The following VEPH1 variants were observed in gnomAD, a reference collection of about 807,000 sequenced individuals.
VEPH1 encodes the protein ventricular zone-expressed PH domain-containing protein homolog 1.
VEPH1 carries 80 observed loss-of-function variants against 85.2 expected under a neutral mutation model. The observed-to-expected ratio is 0.94, with a 90% CI of 0.78 to 1.13. VEPH1 has a LOEUF of 1.13. Ranked by LOEUF, VEPH1 falls within the 50% of genes most tolerant of loss-of-function variation. VEPH1 has a pLI of 0.00. For synonymous variants in VEPH1, 297 were observed against 348.0 expected, an observed-to-expected ratio of 0.85 and a Z score of 1.63; for missense variants, 955 against 980.5, an observed-to-expected ratio of 0.97 and a Z score of 0.35.
At chr3:157,447,912 T>A (rs547683244) in intron 4 of VEPH1, among the ~76,000 whole-genome samples, 2 of 152,070 alleles carry the variant, frequency 1.3e-5, no homozygotes, top group South Asian at 4.2e-4. Flanking sequence ...AGTCTTTTAA[T>A]ATGGACCTGG....
intron 2 of VEPH1, among the ~76,000 whole-genome samples, chr3:157,485,935 G>T (rs1738582758): frequency 6.6e-6 from 1 of 152,038 alleles, no homozygotes. Flanking sequence ...TCTTTAACTT[G>T]TGCATACATA....
intron 9 of VEPH1, among the ~76,000 whole-genome samples, chr3:157,328,152 G>A (rs888872448): frequency 1.3e-5 from 2 of 152,198 alleles, no homozygotes; most frequent in African/African-American, 4.8e-5. Flanking sequence ...CTCCTGAAAT[G>A]CAAGTCTTCC....
chr3:157,467,110 A>AGTGTGTGTGTGTGT (rs1356618639), intron 3 of VEPH1, among the ~76,000 whole-genome samples: 1 of 113,960 alleles, frequency 8.8e-6, no homozygotes, highest in African/African-American at 3.9e-5. Context: ...CAAAAAGAAA[A>AGTGTGTGTGTGTGT]GTGTGTGTGT....
At chr3:157,469,781 C>T (rs4679798) in intron 3 of VEPH1, among the ~76,000 whole-genome samples, 38,159 of 152,008 alleles carry the variant, frequency 0.25, 4,971 homozygotes, top group South Asian at 0.36. Flanking sequence ...AACTCATTAG[C>T]GGCTGAGCCA....
chr3:157,500,425 G>C (rs1740011226), intron 1 of VEPH1, among the ~76,000 whole-genome samples: 1 of 152,088 alleles, frequency 6.6e-6, no homozygotes. Flanking sequence ...GTGTGGTCAG[G>C]GTGGCCACAG....
chr3:157,319,166 C>T (rs1577330152), intron 9 of VEPH1, among the ~76,000 whole-genome samples: 1 of 152,150 alleles, frequency 6.6e-6, no homozygotes, highest in African/African-American at 2.4e-5. Context: ...TAATTAATAG[C>T]TTTCTGTGAT....
chr3:157,386,541 G>C (rs1729323924), intron 6 of VEPH1, among the ~76,000 whole-genome samples: 1 of 152,176 alleles, frequency 6.6e-6, no homozygotes, highest in Non-Finnish European at 1.5e-5. Flanking sequence ...CCTCCCCAGA[G>C]GGCATTTGGA....
At chr3:157,353,773 T>C (rs1559985550) in intron 9 of VEPH1, among the ~76,000 whole-genome samples, 1 of 152,214 alleles carries the variant, frequency 6.6e-6, no homozygotes, top group Non-Finnish European at 1.5e-5. Flanking sequence ...TTATCATTTC[T>C]ATTATTTATC....
chr3:157,435,422 G>A (rs990664831), intron 4 of VEPH1, among the ~76,000 whole-genome samples: 4 of 152,108 alleles, frequency 2.6e-5, no homozygotes, highest in Non-Finnish European at 5.9e-5. Flanking sequence ...AAACTCAAAG[G>A]GACCTTGTAG....
intron 9 of VEPH1, among the ~76,000 whole-genome samples, chr3:157,349,819 G>C (rs1724660288): frequency 6.6e-6 from 1 of 152,116 alleles, no homozygotes; most frequent in South Asian, 2.1e-4. Flanking sequence ...TTTAACCAAA[G>C]AGGTGGAAGA....
chr3:157,455,966 T>C (rs566393805), intron 4 of VEPH1, among the ~76,000 whole-genome samples: 2 of 152,266 alleles, frequency 1.3e-5, no homozygotes, highest in South Asian at 2.1e-4. Context: ...CTGAGTTGAT[T>C]GTAGTTCTGT....
chr3:157,378,770 T>C (rs34819915), intron 7 of VEPH1, among the ~76,000 whole-genome samples: 17,165 of 152,160 alleles, frequency 0.11, 1,268 homozygotes, highest in South Asian at 0.34. Flanking sequence ...GCTTCCCTCC[T>C]GCGAACTCCT....
intron 6 of VEPH1, among the ~76,000 whole-genome samples, chr3:157,408,774 C>T (rs1276949714): frequency 6.6e-6 from 1 of 152,052 alleles, no homozygotes; most frequent in South Asian, 2.1e-4. Flanking sequence ...AAAAGCTATC[C>T]AGGCAGAATA....
chr3:157,380,394 T>G (rs1728629665), intron 7 of VEPH1, among the ~76,000 whole-genome samples: 1 of 152,210 alleles, frequency 6.6e-6, no homozygotes, highest in Non-Finnish European at 1.5e-5. Context: ...AACTCCTTAG[T>G]CCACTCTGTT....
At chr3:157,312,935 C>T (rs1323190396) in intron 11 of VEPH1, among the ~76,000 whole-genome samples, 1 of 124,760 alleles carries the variant, frequency 8.0e-6, no homozygotes, top group African/African-American at 3.3e-5. Flanking sequence ...GATGGAGTCT[C>T]GCTCTGTCGC....
At chr3:157,477,459 G>C (rs1737587985) in intron 2 of VEPH1, among the ~76,000 whole-genome samples, 1 of 152,054 alleles carries the variant, frequency 6.6e-6, no homozygotes, top group African/African-American at 2.4e-5. Context: ...TACATTCACA[G>C]GTTCTGGGGT....
At chr3:157,332,148 T>C (rs912137412) in intron 9 of VEPH1, among the ~76,000 whole-genome samples, 5 of 152,230 alleles carry the variant, frequency 3.3e-5, no homozygotes. Flanking sequence ...ATGTGTTTAT[T>C]TGTGGAGGAT....
chr3:157,341,523 T>C (rs377466784), intron 9 of VEPH1, among the ~76,000 whole-genome samples: 11 of 150,286 alleles, frequency 7.3e-5, no homozygotes, highest in African/African-American at 2.7e-4. Context: ...TATGGGACTA[T>C]GTGAAACGAC....
intron 4 of VEPH1, among the ~76,000 whole-genome samples, chr3:157,453,336 C>T (rs1322797060): frequency 1.3e-5 from 2 of 152,030 alleles, no homozygotes; most frequent in Non-Finnish European, 2.9e-5. Flanking sequence ...ATCATCAAGT[C>T]GTTTACATCT....
Sources: gnomAD v4.1 joint callset for allele counts (sites outside exome capture counted in the v4.1 genomes callset) on GRCh38, gnomAD v4.1.1 for gene constraint, MANE v1.5 for transcripts, NCBI Gene and HGNC (gene_info 2026-07-23, HGNC 2026-07-21) for gene names.